Variants in CHST11 observed in about 807,000 individuals in gnomAD.
CHST11 encodes C4S-1.
Under a neutral mutation model 30.4 loss-of-function variants are expected in CHST11, and 9 were observed. The ratio of observed to expected loss-of-function variants is 0.30; its 90% CI spans 0.18 to 0.52. CHST11 has a LOEUF of 0.52. Among genes scored for constraint, CHST11 ranks in the 20% least tolerant of loss-of-function variants. The probability of loss-of-function intolerance (pLI) is 0.97; values close to 1 mark genes in which losing one functional copy is unlikely to be tolerated. For synonymous variants in CHST11, 152 were observed against 187.8 expected (o/e 0.81, Z 1.56); for missense variants, 348 against 460.6 (o/e 0.76, Z 2.24).
intron 2 of CHST11, among the ~76,000 whole-genome samples, chr12:104,683,154 G>T (rs746028860): frequency 2.4e-4 from 36 of 152,180 alleles, no homozygotes; most frequent in Non-Finnish European, 4.7e-4. Context: ...GGGGGAGAAT[G>T]TCACCAATGA....
At chr12:104,525,086 A>G (rs2038111071) in intron 1 of CHST11, among the ~76,000 whole-genome samples, 1 of 147,622 alleles carries the variant, frequency 6.8e-6, no homozygotes. Flanking sequence ...TATCCAATGG[A>G]ATTCTTTCCT....
At chr12:104,680,758 C>T (rs1489767335) in intron 2 of CHST11, among the ~76,000 whole-genome samples, 1 of 152,196 alleles carries the variant, frequency 6.6e-6, no homozygotes, top group South Asian at 2.1e-4. Context: ...TTAACTTATA[C>T]CACACTCCCC....
rs536635151 is a variant in CHST11, at chr12:104,702,969, C to T, written c.205-53980C>T. 1.9e-4 allele frequency among the ~76,000 whole-genome samples: 29 copies of T among 152,294 alleles called. No homozygotes were observed. In the South Asian group the frequency reaches 5.8e-3, roughly 30 times the overall value. ...AAAGCAGCCTGGAGGGGACGGCAGG[C>T]GTGTGGTCACCACTGACCTCCTGGC... On this transcript the variant is annotated intron_variant, in intron 2 of 2. Transcript: ENST00000303694.
intron 1 of CHST11, among the ~76,000 whole-genome samples, chr12:104,554,332 T>C (rs1159014983): frequency 1.3e-5 from 2 of 152,014 alleles, no homozygotes; most frequent in Admixed American, 6.5e-5. Context: ...GGGAACAGCA[T>C]GTGCAAGGGC....
At chr12:104,533,330 G>A (rs1400282303) in intron 1 of CHST11, among the ~76,000 whole-genome samples, 1 of 152,196 alleles carries the variant, frequency 6.6e-6, no homozygotes, top group Non-Finnish European at 1.5e-5. Context: ...ATGATCAGGT[G>A]TTCCCAGCGT....
chr12:104,565,730 G>A (rs569788076), intron 1 of CHST11, among the ~76,000 whole-genome samples: 2 of 152,276 alleles, frequency 1.3e-5, no homozygotes, highest in East Asian at 1.9e-4. Flanking sequence ...GGGGATTTGT[G>A]CGGCTCCGGC....
chr12:104,750,428 C>CCTTTTTTTTTT (rs1420945578), intron 2 of CHST11, among the ~76,000 whole-genome samples: 9 of 48,826 alleles, frequency 1.8e-4, no homozygotes, highest in African/African-American at 7.3e-4. Context: ...TATTTCTGCA[C>CCTTTTTTTTTT]TTTTTTTTTT....
intron 2 of CHST11, among the ~76,000 whole-genome samples, chr12:104,742,825 C>G (rs1354869544): frequency 3.3e-5 from 5 of 152,230 alleles, no homozygotes; most frequent in Non-Finnish European, 7.3e-5. Context: ...TTGGCCTCAC[C>G]AGACGGGTGG....
At chr12:104,501,135 C>G (rs2037849840) in intron 1 of CHST11, among the ~76,000 whole-genome samples, 1 of 152,142 alleles carries the variant, frequency 6.6e-6, no homozygotes, top group African/African-American at 2.4e-5. Flanking sequence ...AGGAGCTTTT[C>G]AGAGCATTCT....
intron 1 of CHST11, among the ~76,000 whole-genome samples, chr12:104,522,128 A>G (rs2038079853): frequency 7.1e-6 from 1 of 140,650 alleles, no homozygotes; most frequent in South Asian, 2.1e-4. Context: ...CTTCTCCAAT[A>G]CATTTATCTC....
intron 1 of CHST11, among the ~76,000 whole-genome samples, chr12:104,461,997 C>T (rs1310127577): frequency 6.6e-6 from 1 of 151,436 alleles, no homozygotes; most frequent in African/African-American, 2.4e-5. Flanking sequence ...ATCCCCGTCT[C>T]TACTAAAAAT....
intron 1 of CHST11, among the ~76,000 whole-genome samples, chr12:104,590,696 CA>C (rs1450572399): frequency 2.0e-5 from 3 of 151,622 alleles, no homozygotes; most frequent in African/African-American, 7.3e-5. Context: ...CTGAGGCGGG[CA>C]GATCACTTGA....
intron 2 of CHST11, among the ~76,000 whole-genome samples, chr12:104,705,023 A>G (rs998518023): frequency 1.3e-4 from 20 of 152,152 alleles, no homozygotes; most frequent in Non-Finnish European, 2.8e-4. Flanking sequence ...TTTTATGAAT[A>G]ATATTATAAT....
rs1190859278 is a variant in CHST11, at chr12:104,488,638, C to CGT, written c.118+31114_118+31115dup. On this transcript the variant is annotated intron_variant, in intron 1 of 2. Coordinates refer to ENST00000303694, the MANE Select transcript of CHST11 (RefSeq NM_018413.6). ...GTATGTGTGCATGTATGTGTGTGTG[C>CGT]GTGTGTATGTGTGTGTGTATGTGTG... is the stretch of plus-strand genomic sequence containing the variant. Among the ~76,000 whole-genome samples, 14 of 67,606 alleles carry CGT rather than the reference C, an allele frequency of 2.1e-4. No individual in the cohort carries two copies. The South Asian group carries it at 5.7e-3, about 27-fold the overall frequency. 44.4% of individuals were successfully genotyped at this position (67,606 alleles called of 152,430 possible).
chr12:104,681,995 T>C (rs2039801694), intron 2 of CHST11, among the ~76,000 whole-genome samples: 1 of 151,454 alleles, frequency 6.6e-6, no homozygotes. Flanking sequence ...CACACCCGGC[T>C]AATTTTTTTT....
intron 2 of CHST11, among the ~76,000 whole-genome samples, chr12:104,632,280 T>A (rs2039278624): frequency 6.6e-6 from 1 of 151,780 alleles, no homozygotes; most frequent in Admixed American, 6.6e-5. Context: ...AGCAGAGGTG[T>A]AGTGGGGGGA....
intron 2 of CHST11, among the ~76,000 whole-genome samples, chr12:104,714,362 T>C (rs2040112048): frequency 6.6e-6 from 1 of 152,134 alleles, no homozygotes; most frequent in African/African-American, 2.4e-5. Flanking sequence ...TGCAAAGCCT[T>C]ACCTGCTAGT....
chr12:104,491,396 A>G (rs552966292), intron 1 of CHST11, among the ~76,000 whole-genome samples: 12 of 152,190 alleles, frequency 7.9e-5, no homozygotes, highest in Non-Finnish European at 1.2e-4. Flanking sequence ...TTCTTTATGT[A>G]GCAGTCTGAA....
intron 2 of CHST11, among the ~76,000 whole-genome samples, chr12:104,704,884 G>T (rs923174421): frequency 1.3e-5 from 2 of 152,062 alleles, no homozygotes; most frequent in African/African-American, 4.8e-5. Flanking sequence ...TACTCCTCCT[G>T]GGGCACTGAG....
Sources: gnomAD v4.1 joint callset for allele counts (sites outside exome capture counted in the v4.1 genomes callset) on GRCh38, gnomAD v4.1.1 for gene constraint, MANE v1.5 for transcripts, NCBI Gene and HGNC (gene_info 2026-07-23, HGNC 2026-07-21) for gene names.